The following CLSTN2 variants were observed in gnomAD, a reference collection of about 807,000 sequenced individuals.
CLSTN2 encodes the protein calsyntenin-2.
In CLSTN2, 48 loss-of-function variants were observed where a neutral mutation model predicts 101.2. The observed-to-expected ratio is 0.47, with a 90% CI of 0.38 to 0.60. The LOEUF (loss-of-function observed/expected upper bound fraction) is 0.60. CLSTN2 is among the 20% of genes least tolerant of loss of function. The probability of loss-of-function intolerance (pLI) is 0.00; values close to 1 mark genes in which losing one functional copy is unlikely to be tolerated. For synonymous variants in CLSTN2, 481 were observed against 463.6 expected (o/e 1.04, Z -0.48); for missense variants, 1,160 against 1,238.2 (o/e 0.94, Z 0.95).
intron 2 of CLSTN2, among the ~76,000 whole-genome samples, chr3:140,393,704 T>C (rs921712131): frequency 1.3e-5 from 2 of 152,210 alleles, no homozygotes; most frequent in African/African-American, 2.4e-5. Flanking sequence ...TGGAGGGGTC[T>C]GACTAATGTA....
At position 140,573,637 on chromosome 3, in the gene CLSTN2, A is replaced by AGAT. The variant is rs1985635911; in HGVS notation, c.*7386_*7388dup. On this transcript the variant is annotated 3_prime_UTR_variant, in exon 17 of 17. Transcript: ENST00000458420. Reference sequence around the variant, plus strand: ...CAGTCTCCTCATACAAGGGGTTTTGAGATGGAGAGTCAGAGGGCCAGGGCC... The same window carrying AGAT: ...CAGTCTCCTCATACAAGGGGTTTTGAGATGATGGAGAGTCAGAGGGCCAGGGCC... The AGAT allele has an allele frequency of 6.6e-6, 1 of 152,196 alleles. No homozygotes were observed. Among genetic ancestry groups the AGAT allele is most frequent in the Non-Finnish European group, 1.5e-5 (1 of 68,072 alleles). 9.4% of individuals were successfully genotyped at this position (152,196 alleles called of 1,614,324 possible).
chr3:140,531,142 G>C (rs566361576), intron 8 of CLSTN2, among the ~76,000 whole-genome samples: 3 of 152,162 alleles, frequency 2.0e-5, no homozygotes, highest in Non-Finnish European at 4.4e-5. Context: ...GAGCATGAGG[G>C]GAGTGGAAAC....
intron 7 of CLSTN2, among the ~76,000 whole-genome samples, chr3:140,460,091 TG>T (rs1400135485): frequency 6.6e-6 from 1 of 152,074 alleles, no homozygotes; most frequent in African/African-American, 2.4e-5. Context: ...ATAAGTGAGA[TG>T]GGGGTGAGAG....
At chr3:140,443,855 A>G (rs1933018750) in intron 5 of CLSTN2, among the ~76,000 whole-genome samples, 1 of 152,188 alleles carries the variant, frequency 6.6e-6, no homozygotes, top group African/African-American at 2.4e-5. Context: ...AGATGAAGCA[A>G]TGGAGGCTAT....
rs2008783762 is a variant in CLSTN2, at chr3:140,091,769, A to G, written c.110-84182A>G. The stretch of plus-strand genomic sequence containing the variant: ...CCATTAGGGATTTTGTTGATGATGT[A>G]CTTAAAAGTTATATTGTGTTTTAAA... On this transcript the variant is annotated intron_variant, in intron 1 of 16. Coordinates refer to ENST00000458420, the MANE Select transcript of CLSTN2 (RefSeq NM_022131.3). Among the ~76,000 whole-genome samples, 3 of 152,186 alleles carry G rather than the reference A, an allele frequency of 2.0e-5. No homozygotes were observed. The South Asian group carries it at 6.2e-4, about 32-fold the overall frequency.
chr3:140,280,261 C>T (rs2086832321), intron 2 of CLSTN2, among the ~76,000 whole-genome samples: 1 of 152,178 alleles, frequency 6.6e-6, no homozygotes, highest in Non-Finnish European at 1.5e-5. Context: ...CATGTTCTCT[C>T]CCGTACCCCT....
At position 140,224,789 on chromosome 3, in the gene CLSTN2, CA is replaced by C. The variant is rs1274328752; in HGVS notation, c.232+48722del. 3.3e-5 allele frequency among the ~76,000 whole-genome samples: 5 copies of C among 152,064 alleles called. No homozygotes were observed. The South Asian group carries it at 1.0e-3, about 32-fold the overall frequency. ...CCACCATTCCCCAAACTTATGTAAC[CA>C]AAAAACTCTTGTTTGCTAATTCCTA... On this transcript the variant is annotated intron_variant, in intron 2 of 16. Transcript: ENST00000458420.
At chr3:139,998,356 T>TTTTTTTTTTTTTTTTTTG (rs2006732123) in intron 1 of CLSTN2, among the ~76,000 whole-genome samples, 1 of 117,312 alleles carries the variant, frequency 8.5e-6, no homozygotes, top group African/African-American at 3.0e-5. Flanking sequence ...TTTTTTTTTT[T>TTTTTTTTTTTTTTTTTTG]GTGACGGAGT....
intron 2 of CLSTN2, among the ~76,000 whole-genome samples, chr3:140,307,702 A>G (rs988272272): frequency 1.6e-4 from 24 of 152,140 alleles, no homozygotes; most frequent in East Asian, 7.7e-4. Context: ...TCTTTTCTCA[A>G]TAGTCCCTGT....
At chr3:140,277,062 C>T (rs1313811057) in intron 2 of CLSTN2, among the ~76,000 whole-genome samples, 6 of 152,112 alleles carry the variant, frequency 3.9e-5, no homozygotes, top group Non-Finnish European at 8.8e-5. Context: ...TAAGCTCCTC[C>T]ATGTAATTTG....
chr3:140,412,005 G>A (rs1057261590), intron 4 of CLSTN2, among the ~76,000 whole-genome samples: 2 of 152,076 alleles, frequency 1.3e-5, no homozygotes, highest in African/African-American at 2.4e-5. Flanking sequence ...TTTTCCACGG[G>A]GAGATTTGTT....
intron 8 of CLSTN2, among the ~76,000 whole-genome samples, chr3:140,501,720 C>G (rs1006035153): frequency 6.6e-6 from 1 of 152,218 alleles, no homozygotes; most frequent in African/African-American, 2.4e-5. Context: ...TCTAAATTCT[C>G]ATCCAATAAA....
chr3:140,521,706 G>A (rs1038411539), intron 8 of CLSTN2, among the ~76,000 whole-genome samples: 5 of 152,214 alleles, frequency 3.3e-5, no homozygotes, highest in African/African-American at 1.2e-4. Context: ...ACTCTCCAGA[G>A]CCAGCAGGCT....
intron 1 of CLSTN2, among the ~76,000 whole-genome samples, chr3:140,152,047 G>C (rs2009875649): frequency 6.6e-6 from 1 of 152,180 alleles, no homozygotes; most frequent in African/African-American, 2.4e-5. Flanking sequence ...AGCCTGTAAA[G>C]ATGAATTCAT....
intron 5 of CLSTN2, among the ~76,000 whole-genome samples, chr3:140,440,782 C>G (rs1307968169): frequency 6.6e-6 from 1 of 152,114 alleles, no homozygotes; most frequent in Non-Finnish European, 1.5e-5. Context: ...AATTAATGTC[C>G]CCATTCTATA....
intron 9 of CLSTN2, among the ~76,000 whole-genome samples, chr3:140,535,449 AT>A: frequency 6.6e-6 from 1 of 152,348 alleles, no homozygotes; most frequent in South Asian, 2.1e-4. Context: ...CACAAAAATG[AT>A]TTCAAATGGG....
rs201981007 is a variant in CLSTN2 at position 140,291,089 on chromosome 3, C to T, written c.233-112540C>T. Among the ~76,000 whole-genome samples, 9 of 152,312 alleles carry T rather than the reference C, an allele frequency of 5.9e-5. No homozygotes were observed. In the East Asian group the frequency reaches 1.5e-3, roughly 26 times the overall value. ...GCAAAACATTACTCATCTCTCTGAA[C>T]ACCAGAGTATTTTTTTCTTTAAAAG... is the stretch of plus-strand genomic sequence containing the variant. On this transcript the variant is annotated intron_variant, in intron 2 of 16. Transcript: ENST00000458420.
intron 2 of CLSTN2, among the ~76,000 whole-genome samples, chr3:140,223,305 C>A (rs2350510): frequency 1.3e-5 from 2 of 152,168 alleles, no homozygotes; most frequent in African/African-American, 4.8e-5. Flanking sequence ...AGTTTATTCA[C>A]GCTGCACAGG....
At chr3:140,202,484 A>G (rs1170489002) in intron 2 of CLSTN2, among the ~76,000 whole-genome samples, 1 of 152,196 alleles carries the variant, frequency 6.6e-6, no homozygotes, top group African/African-American at 2.4e-5. Flanking sequence ...AGTTGGAGGA[A>G]GGATGCGGGT....
Sources: allele counts gnomAD v4.1 joint callset (sites outside exome capture counted in the v4.1 genomes callset), GRCh38; gene constraint gnomAD v4.1.1; transcripts MANE v1.5; gene names NCBI Gene and HGNC (gene_info 2026-07-23, HGNC 2026-07-21).